The following HUNK variants were observed in gnomAD, a reference collection of about 807,000 sequenced individuals.
The protein encoded by HUNK is hormonally up-regulated neu tumor-associated kinase.
In HUNK, 21 loss-of-function variants were observed where a neutral mutation model predicts 61.0. The ratio of observed to expected loss-of-function variants is 0.34; its 90% CI spans 0.24 to 0.50. The LOEUF (loss-of-function observed/expected upper bound fraction) is 0.50, where lower values mean the gene tolerates loss of function less well. HUNK is among the 20% of genes least tolerant of loss of function. HUNK has a pLI of 0.98. For synonymous variants in HUNK, 371 were observed against 386.1 expected (o/e 0.96, Z 0.46); for missense variants, 772 against 945.7 (o/e 0.82, Z 2.41).
intron 5 of HUNK, among the ~76,000 whole-genome samples, chr21:31,960,103 G>A (rs1234672851): frequency 2.0e-5 from 3 of 152,182 alleles, no homozygotes; most frequent in South Asian, 2.1e-4. Context: ...TTGAAAGTGC[G>A]GCAGAGCACT....
chr21:31,885,838 G>A (rs781140460), intron 1 of HUNK, among the ~76,000 whole-genome samples: 3 of 152,108 alleles, frequency 2.0e-5, no homozygotes, highest in Admixed American at 1.3e-4. Context: ...AGGTTCAAGC[G>A]ATTTTCCTGC....
intron 7 of HUNK, among the ~76,000 whole-genome samples, chr21:31,980,967 G>A (rs2053093932): frequency 6.6e-6 from 1 of 152,212 alleles, no homozygotes; most frequent in African/African-American, 2.4e-5. Context: ...GCCTCCCAAA[G>A]TGCTGGGATT....
chr21:31,998,953 C>G lies in HUNK; in HGVS notation c.1914C>G (p.Cys638Trp). The G allele has an allele frequency of 6.2e-7, 1 of 1,614,238 alleles. No individual in the cohort carries two copies. Among genetic ancestry groups the G allele is most frequent in the Non-Finnish European group, 8.5e-7 (1 of 1,180,038 alleles). ...CCCCAAAAGAGGAGGGCCTGTGTTGCCCACCTCCGGTTCCCAGCAATGGCC... is the reference window on the plus strand; with the variant it reads ...CCCCAAAAGAGGAGGGCCTGTGTTGGCCACCTCCGGTTCCCAGCAATGGCC... Reference protein sequence around the residue: ...NSPPKEEGLCCPPPVPSNGPM... With the variant: ...NSPPKEEGLCWPPPVPSNGPM... Residue 638 changes from cysteine (C) to tryptophan (W), a missense_variant, in exon 11 of 11, where the codon TGC becomes TGG. Transcript: ENST00000270112.
intron 7 of HUNK, among the ~76,000 whole-genome samples, chr21:31,976,211 C>A (rs1305204802): frequency 1.3e-5 from 2 of 152,168 alleles, no homozygotes; most frequent in Non-Finnish European, 2.9e-5. Flanking sequence ...TTAGATTTCA[C>A]AGATGGTGTC....
Position 32,000,247 on chromosome 21 carries a change from C to CAA in HUNK, c.*1063_*1064insAA. 1 of 399,162 alleles carries CAA rather than the reference C, an allele frequency of 2.5e-6. No individual in the cohort carries two copies. Among genetic ancestry groups the CAA allele is most frequent in the Non-Finnish European group, 4.4e-6 (1 of 226,124 alleles). 24.7% of individuals were successfully genotyped at this position (399,162 alleles called of 1,614,324 possible). On this transcript the variant is annotated 3_prime_UTR_variant, in exon 11 of 11. Coordinates refer to ENST00000270112, the MANE Select transcript of HUNK (RefSeq NM_014586.2). The stretch of plus-strand genomic sequence containing the variant: ...CAAGCTGCCCACAGAACTGGTGCGG[C>CAA]TCAGAGCTCGGCGAGTTTGCTGGGA...
At chr21:31,902,437 G>A (rs2052475025) in intron 1 of HUNK, among the ~76,000 whole-genome samples, 1 of 152,162 alleles carries the variant, frequency 6.6e-6, no homozygotes, top group Non-Finnish European at 1.5e-5. Context: ...TTGAACCTGG[G>A]AGACGGAGGT....
chr21:31,884,599 A>AT (rs913058233), intron 1 of HUNK, among the ~76,000 whole-genome samples: 6 of 150,748 alleles, frequency 4.0e-5, no homozygotes, highest in African/African-American at 7.4e-5. Context: ...TCTCAAAAAA[A>AT]AAATAAATAA....
intron 1 of HUNK, among the ~76,000 whole-genome samples, chr21:31,880,820 T>G (rs2052301299): frequency 6.6e-6 from 1 of 152,160 alleles, no homozygotes; most frequent in Non-Finnish European, 1.5e-5. Context: ...AATGTGCTTT[T>G]AGGGATTACT....
rs1278742276 is a variant in HUNK, at chr21:31,998,702, A to T, written c.1663A>T (p.Met555Leu). 1.5e-5 allele frequency: 25 copies of T among 1,614,102 alleles called. No individual in the cohort carries two copies. Among genetic ancestry groups the T allele is most frequent in the Non-Finnish European group, 1.9e-5 (23 of 1,180,022 alleles). Residue 555 changes from methionine (M) to leucine (L), a missense_variant, in exon 11 of 11, where the codon ATG becomes TTG. By Grantham distance (15) the Met-to-Leu change is conservative. Coordinates refer to ENST00000270112, the MANE Select transcript of HUNK (RefSeq NM_014586.2). The part of the protein sequence containing the change: ...TGIPHKEDPL[M>L]LDMVRSFESV... ...CATCCCCCACAAGGAAGACCCCCTGATGCTGGACATGGTGCGCTCCTTCGA... is the reference window on the plus strand; with the variant it reads ...CATCCCCCACAAGGAAGACCCCCTGTTGCTGGACATGGTGCGCTCCTTCGA...
chr21:31,935,608 T>G (rs1334858998), intron 2 of HUNK, among the ~76,000 whole-genome samples: 1 of 152,066 alleles, frequency 6.6e-6, no homozygotes, highest in Non-Finnish European at 1.5e-5. Context: ...CAGCCACTGC[T>G]CTTTTTACCA....
At position 31,976,842 on chromosome 21, in the gene HUNK, C is replaced by G. The variant is rs372001169; in HGVS notation, c.1173+2125C>G. Among the ~76,000 whole-genome samples, 453 of 151,534 alleles carry G rather than the reference C, an allele frequency of 3.0e-3. 2 individuals are homozygous for G. Among genetic ancestry groups the G allele is most frequent in the African/African-American group, 0.011 (443 of 41,246 alleles). ...CTAGAGTGCAGTGGCATGATCTCGG[C>G]TCACTGCAACATCTGCTTCCTGGGT... On this transcript the variant is annotated intron_variant, in intron 7 of 10. Coordinates refer to ENST00000270112, the MANE Select transcript of HUNK (RefSeq NM_014586.2).
At chr21:31,957,341 CCTAACTCCACTGTGAGTTTGGAA>C (rs2052896357) in intron 4 of HUNK, among the ~76,000 whole-genome samples, 1 of 152,200 alleles carries the variant, frequency 6.6e-6, no homozygotes, top group African/African-American at 2.4e-5. Flanking sequence ...CATCTGTCCC[CCTAACTCCACTGTGAGTTTGGAA>C]CTAACTCCAC....
chr21:31,990,299 G>C (rs938999862), intron 9 of HUNK, 123 bp downstream of exon 9: 16 of 920,250 alleles, frequency 1.7e-5, no homozygotes, highest in South Asian at 8.9e-5. Context: ...ACACAGTTTT[G>C]TGGGGGTTGG....
At chr21:31,988,430 C>T (rs762678875) in intron 8 of HUNK, among the ~76,000 whole-genome samples, 1 of 152,116 alleles carries the variant, frequency 6.6e-6, no homozygotes, top group Non-Finnish European at 1.5e-5. Flanking sequence ...AGAAAACTGA[C>T]GGAGAGGGTG....
intron 1 of HUNK, among the ~76,000 whole-genome samples, chr21:31,905,794 T>G (rs1040227419): frequency 1.3e-5 from 2 of 152,210 alleles, no homozygotes; most frequent in African/African-American, 4.8e-5. Flanking sequence ...AACACAGGCA[T>G]GGGGGCTAGC....
At chr21:31,997,033 G>C (rs746106889) in intron 10 of HUNK, among the ~76,000 whole-genome samples, 6 of 152,236 alleles carry the variant, frequency 3.9e-5, no homozygotes, top group Non-Finnish European at 7.3e-5. Flanking sequence ...TTCGGTGCCT[G>C]TGTGTTTATT....
Position 31,968,023 on chromosome 21 carries a change from G to A in HUNK, c.875-227G>A, listed in dbSNP as rs2052979387. ...GTGTGTATTTTTTAAAGAGAGAGAG[G>A]GGGAAATGGGATTTTCCACACCCCT... On this transcript the variant is annotated intron_variant, in intron 5 of 10. Coordinates refer to ENST00000270112, the MANE Select transcript of HUNK (RefSeq NM_014586.2). Among the ~76,000 whole-genome samples the A allele has an allele frequency of 2.6e-5, 4 of 151,984 alleles. No homozygotes were observed. In the South Asian group the frequency reaches 8.3e-4, roughly 32 times the overall value.
Position 31,924,262 on chromosome 21 carries a change from C to CTA in HUNK, c.262-202_262-201dup, listed in dbSNP as rs567042909. Among the ~76,000 whole-genome samples the CTA allele has an allele frequency of 1.9e-3, 257 of 135,164 alleles. No homozygotes were observed. The highest frequency in any genetic ancestry group is 7.3e-3 in the African/African-American group (239 of 32,930). The allele number at this position is 135,164 out of a possible 152,430, so 88.7% of individuals were successfully genotyped here. On this transcript the variant is annotated intron_variant, in intron 1 of 10. Transcript: ENST00000270112. This position sits in a 1 kb window ranked among gnomAD's most constrained non-coding sequence, Gnocchi z 5.1. ...CTTTTGATTTTTCCTAATGTTGTAC[C>CTA]TATATGTGTGTGTGTGTGTGTGTTT...
At chr21:31,905,259 G>A (rs2052497300) in intron 1 of HUNK, among the ~76,000 whole-genome samples, 4 of 152,096 alleles carry the variant, frequency 2.6e-5, no homozygotes, top group Admixed American at 2.6e-4. Flanking sequence ...AATTTCACCT[G>A]TTACTTTTTA....
Sources: gnomAD v4.1 joint callset for allele counts (sites outside exome capture counted in the v4.1 genomes callset) on GRCh38, gnomAD v4.1.1 for gene constraint, Gnocchi (gnomAD v3.1) non-coding constraint, MANE v1.5 for transcripts, NCBI Gene and HGNC (gene_info 2026-07-23, HGNC 2026-07-21) for gene names.